The following ZNF678 variants were observed in gnomAD, a reference collection of about 807,000 sequenced individuals.
ZNF678 encodes hypothetical protein MGC42493.
A neutral mutation model predicts 3.0 loss-of-function variants in ZNF678; 5 were observed. The ratio of observed to expected loss-of-function variants is 1.69; its 90% confidence interval spans 0.88 to 3.56. The LOEUF is 3.56. Ranked by LOEUF, ZNF678 falls within the 30% of genes most tolerant of loss-of-function variation. The pLI is 0.00. For missense variants in ZNF678, 593 were observed against 605.0 expected, an observed-to-expected ratio of 0.98 and a Z score of 0.21; for synonymous variants, 218 against 199.6, an observed-to-expected ratio of 1.09 and a Z score of -0.78.
At chr1:227,572,277 T>C (rs540639646) in intron 1 of ZNF678, among the ~76,000 whole-genome samples, 2 of 152,382 alleles carry the variant, frequency 1.3e-5, no homozygotes, top group East Asian at 3.9e-4. Context: ...ATGGAGATGG[T>C]TGAGATGGTC....
chr1:227,631,423 T>C (rs10799431), intron 1 of ZNF678, among the ~76,000 whole-genome samples: 73,094 of 151,960 alleles, frequency 0.48, 18,747 homozygotes, highest in African/African-American at 0.67. Flanking sequence ...AGTTCTAGAG[T>C]TGGGCTGTGT....
At chr1:227,573,122 CAG>C (rs71823877) in intron 1 of ZNF678, among the ~76,000 whole-genome samples, 5,741 of 152,288 alleles carry the variant, frequency 0.038, 150 homozygotes, top group Non-Finnish European at 0.056. Context: ...AGAAGGCAAT[CAG>C]GGAGTGGAAA....
At chr1:227,617,393 C>G (rs1170944705) in intron 1 of ZNF678, among the ~76,000 whole-genome samples, 1 of 152,300 alleles carries the variant, frequency 6.6e-6, no homozygotes, top group Admixed American at 6.5e-5. Context: ...ACCACTGTCT[C>G]TCTCCAAGGC....
intron 1 of ZNF678, among the ~76,000 whole-genome samples, chr1:227,576,481 G>C (rs1051414440): frequency 6.6e-6 from 1 of 152,106 alleles, no homozygotes; most frequent in Non-Finnish European, 1.5e-5. Context: ...GAGGGTGTGT[G>C]TGTCCAGGAA....
At chr1:227,602,378 A>G (rs1395139849) in intron 1 of ZNF678, among the ~76,000 whole-genome samples, 2 of 152,238 alleles carry the variant, frequency 1.3e-5, no homozygotes, top group Non-Finnish European at 2.9e-5. Context: ...TTTGTGTAAT[A>G]TACAGTACTT....
At chr1:227,651,760 G>A (rs990927740) in intron 3 of ZNF678, among the ~76,000 whole-genome samples, 4 of 152,154 alleles carry the variant, frequency 2.6e-5, no homozygotes, top group African/African-American at 9.7e-5. Flanking sequence ...CTTTTTGTGT[G>A]ACAGGGTCTT....
chr1:227,593,192 A>G (rs1571871854), intron 1 of ZNF678, among the ~76,000 whole-genome samples: 1 of 152,248 alleles, frequency 6.6e-6, no homozygotes. Context: ...GGAGGACCAC[A>G]TTAGTGGAAG....
intron 1 of ZNF678, among the ~76,000 whole-genome samples, chr1:227,591,846 C>T (rs1348181829): frequency 6.6e-6 from 1 of 152,176 alleles, no homozygotes; most frequent in African/African-American, 2.4e-5. Flanking sequence ...GCGAACAGCC[C>T]TCAGTCTGAG....
At chr1:227,619,612 C>T (rs180730819) in intron 1 of ZNF678, among the ~76,000 whole-genome samples, 167 of 152,048 alleles carry the variant, frequency 1.1e-3, no homozygotes, top group Non-Finnish European at 2.1e-3. Context: ...CCTGGGTTCA[C>T]GCCATTCTCC....
At chr1:227,675,675 T>G (rs1463019569) in intron 5 of ZNF678, among the ~76,000 whole-genome samples, 1 of 152,168 alleles carries the variant, frequency 6.6e-6, no homozygotes, top group Admixed American at 6.5e-5. Context: ...TACATATAGT[T>G]ACTTTCATTT....
At chr1:227,570,500 C>T (rs886291972) in intron 1 of ZNF678, among the ~76,000 whole-genome samples, 12 of 152,128 alleles carry the variant, frequency 7.9e-5, no homozygotes, top group African/African-American at 2.7e-4. Flanking sequence ...GGTTTTAGCA[C>T]AGTTTCCTAA....
intron 1 of ZNF678, among the ~76,000 whole-genome samples, chr1:227,612,400 G>C (rs1055262872): frequency 1.3e-5 from 2 of 152,160 alleles, no homozygotes; most frequent in African/African-American, 4.8e-5. Flanking sequence ...GTAATCAGTG[G>C]TGGTCACAAA....
At chr1:227,645,873 C>G (rs1209691942) in intron 1 of ZNF678, among the ~76,000 whole-genome samples, 2 of 152,148 alleles carry the variant, frequency 1.3e-5, no homozygotes, top group South Asian at 4.1e-4. Context: ...CACTATAAAG[C>G]AAATTAGTTT....
chr1:227,609,921 G>T (rs58020705), intron 1 of ZNF678, among the ~76,000 whole-genome samples: 1 of 151,924 alleles, frequency 6.6e-6, no homozygotes, highest in African/African-American at 2.4e-5. Context: ...TTTTAGTACA[G>T]ACAGGGTTTC....
At chr1:227,639,431 CAAGCTTCTG>C in intron 1 of ZNF678, among the ~76,000 whole-genome samples, 1 of 152,342 alleles carries the variant, frequency 6.6e-6, no homozygotes, top group Non-Finnish European at 1.5e-5. Context: ...GGGCCGTCAT[CAAGCTTCTG>C]AAGCTTGCAC....
At chr1:227,610,752 C>T (rs1657996731) in intron 1 of ZNF678, among the ~76,000 whole-genome samples, 2 of 152,156 alleles carry the variant, frequency 1.3e-5, no homozygotes, top group South Asian at 4.2e-4. Context: ...GTACAGCTTT[C>T]CAACCCCCCT....
At chr1:227,641,096 C>A (rs1045692547) in intron 1 of ZNF678, among the ~76,000 whole-genome samples, 38 of 152,280 alleles carry the variant, frequency 2.5e-4, no homozygotes, top group African/African-American at 8.9e-4. Context: ...GATCAGTGAC[C>A]GATGTGCATG....
At chr1:227,616,634 C>G (rs1196137798) in intron 1 of ZNF678, among the ~76,000 whole-genome samples, 3 of 152,146 alleles carry the variant, frequency 2.0e-5, no homozygotes, top group Non-Finnish European at 4.4e-5. Context: ...GGCACAATAC[C>G]TTTTGTGTTT....
chr1:227,568,416 G>A (rs888794981), intron 1 of ZNF678, among the ~76,000 whole-genome samples: 1 of 152,004 alleles, frequency 6.6e-6, no homozygotes, highest in Non-Finnish European at 1.5e-5. Flanking sequence ...TAAAAAAAAA[G>A]GGAGCATCAT....
Sources: gnomAD v4.1 joint callset for allele counts (sites outside exome capture counted in the v4.1 genomes callset) on GRCh38, gnomAD v4.1.1 for gene constraint, MANE v1.5 for transcripts, NCBI Gene and HGNC (gene_info 2026-07-23, HGNC 2026-07-21) for gene names.